The following SERGEF variants were observed in gnomAD, a reference collection of about 807,000 sequenced individuals.
SERGEF encodes the protein secretion regulating guanine nucleotide exchange factor, also known as secretion-regulating guanine nucleotide exchange factor.
Under a neutral mutation model 50.0 loss-of-function variants are expected in SERGEF, and 51 were observed. The ratio of observed to expected loss-of-function variants is 1.02; its 90% CI spans 0.81 to 1.29. The LOEUF is 1.29. SERGEF is among the 50% of genes most tolerant of loss of function. The pLI is 0.00. For missense variants in SERGEF, 521 were observed against 557.0 expected (o/e 0.94, Z 0.65); for synonymous variants, 205 against 212.4 (o/e 0.97, Z 0.30).
Position 18,008,176 on chromosome 11 carries a change from C to T in SERGEF, c.61-100G>A, listed in dbSNP as rs534992664. 67 of 1,218,160 alleles carry T rather than the reference C, an allele frequency of 5.5e-5. 2 individuals carry two copies. In the South Asian group the frequency reaches 1.1e-3, roughly 20 times the overall value. 75.5% of individuals were successfully genotyped at this position (1,218,160 alleles called of 1,614,324 possible). A position where few individuals can be genotyped will look rare whatever the true frequency, so the allele number is the denominator to read the frequency against. ...CTCTCACCCTGACGTATCTCTCAGA[C>T]CCTGTAACAGATGAGATTTATTAGG... On this transcript the variant is annotated intron_variant, in intron 1 of 10. Transcript: ENST00000265965.
chr11:17,968,814 T>A (rs759647252), intron 8 of SERGEF, among the ~76,000 whole-genome samples: 2 of 151,910 alleles, frequency 1.3e-5, no homozygotes, highest in Non-Finnish European at 2.9e-5. Flanking sequence ...GCAAATGACG[T>A]TAATTGCTAC....
At chr11:17,954,147 A>T (rs1480715640) in intron 9 of SERGEF, among the ~76,000 whole-genome samples, 1 of 152,176 alleles carries the variant, frequency 6.6e-6, no homozygotes, top group Non-Finnish European at 1.5e-5. Flanking sequence ...TGCTGTGGGT[A>T]CTTACCAGAG....
chr11:17,979,590 C>T (rs1590230538), intron 8 of SERGEF, among the ~76,000 whole-genome samples: 1 of 152,270 alleles, frequency 6.6e-6, no homozygotes, highest in Non-Finnish European at 1.5e-5. Flanking sequence ...TAACACCTGG[C>T]CAGAGGCGCT....
At chr11:17,925,465 G>T (rs1444506748) in intron 9 of SERGEF, among the ~76,000 whole-genome samples, 5 of 152,176 alleles carry the variant, frequency 3.3e-5, no homozygotes, top group Non-Finnish European at 5.9e-5. Context: ...AAAAGGGGGA[G>T]GGAGTGTTCA....
At chr11:17,803,421 G>A (rs1849706360) in intron 10 of SERGEF, among the ~76,000 whole-genome samples, 1 of 152,260 alleles carries the variant, frequency 6.6e-6, no homozygotes, top group African/African-American at 2.4e-5. Context: ...CACCCAGTGG[G>A]TCAGAGAACT....
chr11:17,961,716 G>A (rs141990001), intron 8 of SERGEF, among the ~76,000 whole-genome samples: 60 of 152,182 alleles, frequency 3.9e-4, no homozygotes, highest in African/African-American at 1.4e-3. Flanking sequence ...TACTCTCTGC[G>A]GAGGCCATAG....
intron 9 of SERGEF, among the ~76,000 whole-genome samples, chr11:17,932,680 C>A (rs1486484795): frequency 6.6e-6 from 1 of 152,094 alleles, no homozygotes; most frequent in Non-Finnish European, 1.5e-5. Flanking sequence ...TGAAATCAAC[C>A]CAGCACAGCT....
At chr11:18,000,673 G>A in intron 4 of SERGEF, 116 bp from the exon 5 acceptor site, 2 of 763,194 alleles carry the variant, frequency 2.6e-6, no homozygotes, top group South Asian at 3.0e-5. Flanking sequence ...CTGGTTTAAA[G>A]CAACCACTCC....
intron 9 of SERGEF, among the ~76,000 whole-genome samples, chr11:17,928,356 G>C (rs564733407): frequency 5.3e-5 from 8 of 152,218 alleles, no homozygotes; most frequent in African/African-American, 1.9e-4. Flanking sequence ...TACAAACTCT[G>C]GGGTCACAGA....
At chr11:17,908,344 C>T (rs1486828916) in intron 9 of SERGEF, among the ~76,000 whole-genome samples, 1 of 152,128 alleles carries the variant, frequency 6.6e-6, no homozygotes, top group African/African-American at 2.4e-5. Flanking sequence ...ATAAGCAGCT[C>T]TTTTTGCCTG....
chr11:17,918,385 T>C (rs1852086070), intron 9 of SERGEF, among the ~76,000 whole-genome samples: 1 of 152,214 alleles, frequency 6.6e-6, no homozygotes, highest in African/African-American at 2.4e-5. Context: ...AGCAGCTCCC[T>C]GCAGGGTCAA....
At chr11:17,892,702 T>C (rs1436801640) in intron 9 of SERGEF, among the ~76,000 whole-genome samples, 1 of 152,252 alleles carries the variant, frequency 6.6e-6, no homozygotes, top group Non-Finnish European at 1.5e-5. Context: ...TCACTGTTAA[T>C]GCCCTGCAGC....
chr11:17,808,588 C>G (rs970280058), intron 10 of SERGEF, among the ~76,000 whole-genome samples: 3 of 152,174 alleles, frequency 2.0e-5, no homozygotes, highest in Admixed American at 1.3e-4. Flanking sequence ...CATTTCAACA[C>G]GAGATTTGGA....
intron 9 of SERGEF, among the ~76,000 whole-genome samples, chr11:17,959,192 G>A (rs1430332729): frequency 6.6e-6 from 1 of 152,102 alleles, no homozygotes; most frequent in Non-Finnish European, 1.5e-5. Context: ...TCTAAGCCTA[G>A]GCCAATCTCT....
intron 8 of SERGEF, among the ~76,000 whole-genome samples, chr11:17,983,810 T>C (rs1370569536): frequency 1.3e-5 from 2 of 149,426 alleles, no homozygotes; most frequent in Non-Finnish European, 3.0e-5. Flanking sequence ...ATACCTAAGT[T>C]AAGGGTTAAG....
chr11:17,995,990 G>A (rs1397006076), intron 5 of SERGEF, 81 bp from the exon 6 acceptor site: 4 of 933,324 alleles, frequency 4.3e-6, no homozygotes, highest in Non-Finnish European at 5.1e-6. Context: ...TCACTGCTAT[G>A]AGAAATTCCC....
At chr11:17,901,000 A>C (rs1565199288) in intron 9 of SERGEF, among the ~76,000 whole-genome samples, 1 of 152,074 alleles carries the variant, frequency 6.6e-6, no homozygotes, top group Non-Finnish European at 1.5e-5. Context: ...AAGCTGCACA[A>C]AACAGAACAC....
intron 10 of SERGEF, among the ~76,000 whole-genome samples, chr11:17,870,021 A>T (rs977538219): frequency 2.0e-5 from 3 of 152,190 alleles, no homozygotes; most frequent in Non-Finnish European, 4.4e-5. Context: ...TCAGGGGGGC[A>T]GTTTCCCCCA....
chr11:17,904,324 T>C (rs948793611), intron 9 of SERGEF, among the ~76,000 whole-genome samples: 1 of 152,196 alleles, frequency 6.6e-6, no homozygotes, highest in Non-Finnish European at 1.5e-5. Context: ...GGTTGAGGAC[T>C]AAAGTCTACT....
Sources: gnomAD v4.1 joint callset for allele counts (sites outside exome capture counted in the v4.1 genomes callset) on GRCh38, gnomAD v4.1.1 for gene constraint, MANE v1.5 for transcripts, NCBI Gene and HGNC (gene_info 2026-07-23, HGNC 2026-07-21) for gene names.